The following SLCO1B1 variants were observed in gnomAD, a reference collection of about 807,000 sequenced individuals.
SLCO1B1 encodes solute carrier organic anion transporter family member 1B1.
In SLCO1B1, 81 loss-of-function variants were observed where a neutral mutation model predicts 70.1. The observed-to-expected ratio is 1.16, with a 90% CI of 0.97 to 1.39. SLCO1B1 has a LOEUF of 1.39. SLCO1B1 is among the 40% of genes most tolerant of loss of function. SLCO1B1 has a pLI of 0.00. For synonymous variants in SLCO1B1, 283 were observed against 271.5 expected (o/e 1.04, Z -0.42); for missense variants, 895 against 799.6 (o/e 1.12, Z -1.44).
At chr12:21,137,838 C>T (rs936563405) in intron 1 of SLCO1B1, among the ~76,000 whole-genome samples, 1 of 152,206 alleles carries the variant, frequency 6.6e-6, no homozygotes, top group Non-Finnish European at 1.5e-5. Context: ...GCGCTTCACC[C>T]ACTGTCCTGC....
At chr12:21,159,007 T>C (rs184651034) in intron 2 of SLCO1B1, among the ~76,000 whole-genome samples, 125 of 152,300 alleles carry the variant, frequency 8.2e-4, no homozygotes, top group Non-Finnish European at 1.5e-3. Flanking sequence ...ATACTTGATA[T>C]TCTACTAACT....
chr12:21,207,441 G>C (rs1941227146), intron 11 of SLCO1B1, among the ~76,000 whole-genome samples: 1 of 151,944 alleles, frequency 6.6e-6, no homozygotes, highest in Admixed American at 6.6e-5. Flanking sequence ...ACCTCCAGCT[G>C]CATCCAGGTT....
intron 7 of SLCO1B1, among the ~76,000 whole-genome samples, chr12:21,187,143 A>G (rs974738819): frequency 6.6e-6 from 1 of 152,118 alleles, no homozygotes; most frequent in Non-Finnish European, 1.5e-5. Flanking sequence ...AAAGAAGAGA[A>G]GTGAGCACCA....
intron 2 of SLCO1B1, among the ~76,000 whole-genome samples, chr12:21,161,109 C>T (rs1940612995): frequency 6.6e-6 from 1 of 152,140 alleles, no homozygotes; most frequent in African/African-American, 2.4e-5. Context: ...GGCAATTCCT[C>T]AAAGAGCTAA....
At position 21,178,035 on chromosome 12, in the gene SLCO1B1, C is replaced by T. The variant is rs183978248; in HGVS notation, c.482-541C>T. ...TGATCTTCTGTGTGTAATGTGATTA[C>T]AGATAATTTTTACTTGTTTGTGCTT... On this transcript the variant is annotated intron_variant, in intron 5 of 14. Coordinates refer to ENST00000256958, the MANE Select transcript of SLCO1B1 (RefSeq NM_006446.5). Among the ~76,000 whole-genome samples, 21 of 152,120 alleles carry T rather than the reference C, an allele frequency of 1.4e-4. No homozygotes were observed. The East Asian group carries it at 4.1e-3, about 29-fold the overall frequency.
intron 7 of SLCO1B1, among the ~76,000 whole-genome samples, chr12:21,190,160 G>T (rs906829090): frequency 6.6e-5 from 10 of 152,180 alleles, no homozygotes; most frequent in African/African-American, 1.2e-4. Context: ...GTATAAGGAA[G>T]TATAGGGGAA....
intron 10 of SLCO1B1, 55 bp from the exon 11 acceptor site, chr12:21,205,811 CTT>C: frequency 7.6e-7 from 1 of 1,307,966 alleles, no homozygotes; most frequent in Non-Finnish European, 1.1e-6. Context: ...TCCTCCCCTT[CTT>C]TGTCTTTTTC....
intron 8 of SLCO1B1, among the ~76,000 whole-genome samples, chr12:21,199,927 A>G (rs12317451): frequency 0.034 from 5,104 of 151,870 alleles, 287 homozygotes; most frequent in African/African-American, 0.11. Flanking sequence ...TCAGCCTCCC[A>G]AGTAGCTAAG....
intron 2 of SLCO1B1, among the ~76,000 whole-genome samples, chr12:21,148,593 A>G (rs924937872): frequency 6.6e-6 from 1 of 151,588 alleles, no homozygotes; most frequent in South Asian, 2.1e-4. Flanking sequence ...TAAAAGTACC[A>G]TGCTGTGTTG....
intron 2 of SLCO1B1, among the ~76,000 whole-genome samples, chr12:21,146,836 T>C (rs1565665455): frequency 6.6e-6 from 1 of 152,168 alleles, no homozygotes; most frequent in African/African-American, 2.4e-5. Context: ...GTTTTATGGC[T>C]TAGGCTGTGG....
intron 2 of SLCO1B1, among the ~76,000 whole-genome samples, chr12:21,169,572 C>T (rs1346210100): frequency 6.6e-6 from 1 of 152,066 alleles, no homozygotes; most frequent in Non-Finnish European, 1.5e-5. Context: ...TTTGGTTCTT[C>T]ATAGTTTATA....
At chr12:21,141,888 A>C (rs1031210378) in intron 2 of SLCO1B1, among the ~76,000 whole-genome samples, 1 of 151,854 alleles carries the variant, frequency 6.6e-6, no homozygotes, top group African/African-American at 2.4e-5. Context: ...AATGTAGAAA[A>C]TTTAGAAATA....
chr12:21,164,745 T>C, intron 2 of SLCO1B1: 1 of 452,924 alleles, frequency 2.2e-6, no homozygotes, highest in South Asian at 1.6e-5. Context: ...GTGTCTTCAA[T>C]ATCTAAGCTT....
intron 7 of SLCO1B1, among the ~76,000 whole-genome samples, chr12:21,186,567 C>G (rs1008668046): frequency 4.0e-5 from 6 of 151,834 alleles, no homozygotes; most frequent in African/African-American, 1.4e-4. Flanking sequence ...CACGACATTA[C>G]AAGAAAAAGT....
chr12:21,131,978 C>T (rs1047015830), intron 1 of SLCO1B1, among the ~76,000 whole-genome samples: 2 of 151,994 alleles, frequency 1.3e-5, no homozygotes, highest in African/African-American at 4.8e-5. Flanking sequence ...CTAATGCTAT[C>T]CCTCCCCTCT....
At chr12:21,191,232 G>T (rs1302653589) in intron 7 of SLCO1B1, among the ~76,000 whole-genome samples, 1 of 137,252 alleles carries the variant, frequency 7.3e-6, no homozygotes, top group Non-Finnish European at 1.6e-5. Flanking sequence ...TGGGTAGTAT[G>T]GACATTTACT....
chr12:21,141,493 A>T (rs750325186), intron 1 of SLCO1B1, 21 bp from the exon 2 acceptor site: 2 of 787,956 alleles, frequency 2.5e-6, no homozygotes, highest in African/African-American at 1.7e-5. Context: ...AAAATAAACT[A>T]TACTTTTTCT....
chr12:21,166,700 G>C (rs368447853), intron 2 of SLCO1B1, among the ~76,000 whole-genome samples: 2 of 152,166 alleles, frequency 1.3e-5, no homozygotes, highest in Non-Finnish European at 2.9e-5. Flanking sequence ...ATGCAAAATA[G>C]TGCAGCCACT....
intron 8 of SLCO1B1, among the ~76,000 whole-genome samples, chr12:21,198,656 A>T (rs544311577): frequency 2.6e-5 from 4 of 152,288 alleles, no homozygotes; most frequent in Middle Eastern, 3.4e-3. Flanking sequence ...GTCAGAAAAA[A>T]TATTGAATTT....
Sources: allele counts gnomAD v4.1 joint callset (sites outside exome capture counted in the v4.1 genomes callset), GRCh38; gene constraint gnomAD v4.1.1; transcripts MANE v1.5; gene names NCBI Gene and HGNC (gene_info 2026-07-23, HGNC 2026-07-21).